The following CLCN3 variants were observed in gnomAD, a reference collection of about 807,000 sequenced individuals.
CLCN3 encodes the protein H(+)/Cl(-) exchange transporter 3.
CLCN3 carries 16 observed loss-of-function variants against 83.4 expected under a neutral mutation model. The ratio of observed to expected loss-of-function variants is 0.19; its 90% CI spans 0.13 to 0.29. The LOEUF is 0.29. CLCN3 is among the 10% of genes least tolerant of loss of function. The pLI, the probability that CLCN3 is intolerant of heterozygous loss-of-function variation, is 1.00. For missense variants in CLCN3, 544 were observed against 1,006.0 expected, an observed-to-expected ratio of 0.54 and a Z score of 6.21; for synonymous variants, 322 against 346.2, an observed-to-expected ratio of 0.93 and a Z score of 0.78.
chr4:169,649,113 G>A (rs1199832418), intron 2 of CLCN3, among the ~76,000 whole-genome samples: 3 of 151,800 alleles, frequency 2.0e-5, no homozygotes, highest in South Asian at 2.1e-4. Context: ...ACTGAAAAAC[G>A]AATACAAGTC....
chr4:169,671,378 A>G (rs1581230440), intron 2 of CLCN3, among the ~76,000 whole-genome samples: 1 of 152,204 alleles, frequency 6.6e-6, no homozygotes. Flanking sequence ...GTTCTCACTT[A>G]TAAGTGGGAG....
Position 169,620,756 on chromosome 4 carries a change from G to T in CLCN3, c.-324G>T, listed in dbSNP as rs1773091839. On this transcript the variant is annotated 5_prime_UTR_variant, in exon 1 of 13. Coordinates refer to ENST00000513761, the MANE Select transcript of CLCN3 (RefSeq NM_001829.4). The stretch of plus-strand genomic sequence containing the variant: ...AGTTTTAGTCTTAAGGGGGAAGTGA[G>T]ATTGGAGATTTTTATTTTTAATTTT... 5.0e-6 allele frequency: 2 copies of T among 398,564 alleles called. 1 individual carries two copies. The highest frequency in any genetic ancestry group is 2.5e-4 in the South Asian group (2 of 7,858). The allele number at this position is 398,564 out of a possible 1,614,324, so 24.7% of individuals were successfully genotyped here.
chr4:169,703,676 TTTTTTTTTTTTCA>T (rs1008759921), intron 9 of CLCN3, among the ~76,000 whole-genome samples: 2 of 145,156 alleles, frequency 1.4e-5, no homozygotes, highest in African/African-American at 5.1e-5. Context: ...TTTTTTTTTC[TTTTTTTTTTTTCA>T]TTTCACCATG....
At chr4:169,713,484 C>T (rs914051693) in intron 12 of CLCN3, among the ~76,000 whole-genome samples, 189 bp downstream of exon 12, 3 of 152,180 alleles carry the variant, frequency 2.0e-5, no homozygotes, top group Non-Finnish European at 2.9e-5. Context: ...AAGATGTCAT[C>T]TGCCTGCTCT....
intron 1 of CLCN3, among the ~76,000 whole-genome samples, chr4:169,631,072 A>C (rs1361996682): frequency 6.6e-6 from 1 of 152,130 alleles, no homozygotes; most frequent in Non-Finnish European, 1.5e-5. Context: ...TTACATTCCC[A>C]CTGACAGTGT....
At chr4:169,626,792 A>C (rs1427267480) in intron 1 of CLCN3, among the ~76,000 whole-genome samples, 1 of 152,252 alleles carries the variant, frequency 6.6e-6, no homozygotes, top group East Asian at 1.9e-4. Flanking sequence ...AGCCTGGCCA[A>C]CATAGTGAAA....
At chr4:169,648,811 A>G (rs7682661) in intron 2 of CLCN3, among the ~76,000 whole-genome samples, 136,232 of 152,200 alleles carry the variant, frequency 0.9, 61,350 homozygotes, top group East Asian at 0.97. Flanking sequence ...TGGATCACTT[A>G]AAGCCAGGAG....
intron 1 of CLCN3, among the ~76,000 whole-genome samples, chr4:169,634,850 C>G (rs766644054): frequency 1.3e-5 from 2 of 152,062 alleles, no homozygotes; most frequent in East Asian, 1.9e-4. Flanking sequence ...AAAACTTCAC[C>G]TTTTTCAAAG....
chr4:169,708,264 A>C (rs1190616350), intron 11 of CLCN3, among the ~76,000 whole-genome samples: 1 of 152,190 alleles, frequency 6.6e-6, no homozygotes, highest in Non-Finnish European at 1.5e-5. Flanking sequence ...GTGTTTCTCA[A>C]ATCAAACTGG....
intron 2 of CLCN3, among the ~76,000 whole-genome samples, chr4:169,642,167 C>G (rs1730432720): frequency 6.6e-6 from 1 of 151,998 alleles, no homozygotes; most frequent in Admixed American, 6.5e-5. Context: ...CTCCTGGCCG[C>G]AAGCTCTCCT....
chr4:169,653,724 G>T (rs996688812), intron 2 of CLCN3, among the ~76,000 whole-genome samples: 1 of 151,866 alleles, frequency 6.6e-6, no homozygotes, highest in Non-Finnish European at 1.5e-5. Flanking sequence ...CTTCTGTCTG[G>T]TGAGGGCCTC....
In CLCN3 at chr4:169,720,102, A is replaced by G. The variant is rs1277460963; in HGVS notation, c.*105A>G. ...CATCTACTTTTTTTTCCTCCTTTAC[A>G]AAAAAAGAAAGGAAATATAAAAGCC... On this transcript the variant is annotated 3_prime_UTR_variant, in exon 13 of 13. Transcript: ENST00000513761. The G allele has an allele frequency of 3.3e-6, 5 of 1,518,812 alleles. No individual in the cohort carries two copies. Among genetic ancestry groups the G allele is most frequent in the Non-Finnish European group, 4.4e-6 (5 of 1,128,286 alleles). 94.1% of individuals were successfully genotyped at this position (1,518,812 alleles called of 1,614,324 possible).
At position 169,694,612 on chromosome 4, in the gene CLCN3, G is replaced by A. The variant is rs1215137990; in HGVS notation, c.937-1000G>A. The stretch of plus-strand genomic sequence containing the variant: ...CCAGCATTTTGGTAGGTTGAGGCAG[G>A]CAGATCACCTAAGGTCAGGAATTCG... On this transcript the variant is annotated intron_variant, in intron 7 of 12. Coordinates refer to ENST00000513761, the MANE Select transcript of CLCN3 (RefSeq NM_001829.4). Among the ~76,000 whole-genome samples, 3 of 152,334 alleles carry A rather than the reference G, an allele frequency of 2.0e-5. No homozygotes were observed. In the East Asian group the frequency reaches 5.8e-4, roughly 29 times the overall value.
chr4:169,687,827 C>T (rs1732221895), intron 4 of CLCN3, 70 bp downstream of exon 4: 1 of 782,202 alleles, frequency 1.3e-6, no homozygotes, highest in South Asian at 2.1e-5. Flanking sequence ...CTCCTTCCCT[C>T]AATTTTTTTT....
chr4:169,712,742 G>C (rs1368435393), intron 11 of CLCN3, among the ~76,000 whole-genome samples: 1 of 152,178 alleles, frequency 6.6e-6, no homozygotes, highest in Non-Finnish European at 1.5e-5. Flanking sequence ...CTCAGAATTT[G>C]TGCAGGTTTT....
chr4:169,648,131 C>G (rs1200488170), intron 2 of CLCN3, among the ~76,000 whole-genome samples: 1 of 152,104 alleles, frequency 6.6e-6, no homozygotes, highest in Non-Finnish European at 1.5e-5. Flanking sequence ...TAGCTAAATG[C>G]AATGTGGATC....
At chr4:169,711,913 G>A (rs978482559) in intron 11 of CLCN3, among the ~76,000 whole-genome samples, 2 of 151,966 alleles carry the variant, frequency 1.3e-5, no homozygotes, top group African/African-American at 2.4e-5. Flanking sequence ...CACCCAGGCT[G>A]GAGTGTGGTG....
chr4:169,676,379 T>G (rs1731676029), intron 2 of CLCN3, among the ~76,000 whole-genome samples: 1 of 152,242 alleles, frequency 6.6e-6, no homozygotes. Context: ...CCTTATATTT[T>G]GATAGGTATT....
At chr4:169,635,416 G>A (rs1449720253) in intron 1 of CLCN3, among the ~76,000 whole-genome samples, 1 of 152,034 alleles carries the variant, frequency 6.6e-6, no homozygotes, top group African/African-American at 2.4e-5. Context: ...TTTGACCATA[G>A]GCTCTGAAGA....
Sources: gnomAD v4.1 joint callset for allele counts (sites outside exome capture counted in the v4.1 genomes callset) on GRCh38, gnomAD v4.1.1 for gene constraint, MANE v1.5 for transcripts, NCBI Gene and HGNC (gene_info 2026-07-23, HGNC 2026-07-21) for gene names.